The following PECAM1 variants were observed in gnomAD, a reference collection of about 807,000 sequenced individuals.
PECAM1 encodes platelet endothelial cell adhesion molecule.
Under a neutral mutation model 13.8 loss-of-function variants are expected in PECAM1, and 8 were observed. That is an observed-to-expected ratio of 0.58 (90% confidence interval 0.34 to 1.05). The LOEUF (loss-of-function observed/expected upper bound fraction) is 1.05. Among genes scored for constraint, PECAM1 ranks in the 50% least tolerant of loss-of-function variants. PECAM1 has a pLI of 0.03. For synonymous variants in PECAM1, 136 were observed against 52.6 expected (o/e 2.58, Z -6.86); for missense variants, 304 against 141.2 (o/e 2.15, Z -5.84).
At chr17:64,386,758 C>T (rs2036602675) in intron 2 of PECAM1, among the ~76,000 whole-genome samples, 1 of 151,888 alleles carries the variant, frequency 6.6e-6, no homozygotes, top group African/African-American at 2.4e-5. Flanking sequence ...AAAATGAGAC[C>T]CCAGTCTCTA....
At position 64,348,272 on chromosome 17, in the gene PECAM1, C is replaced by T. The variant is rs2035631255; in HGVS notation, c.2095G>A (p.Glu699Lys). 2 of 475,254 alleles carry T rather than the reference C, an allele frequency of 4.2e-6. No individual in the cohort carries two copies. The highest frequency in any genetic ancestry group is 2.0e-5 in the African/African-American group (1 of 50,522). The allele number at this position is 475,254 out of a possible 1,614,324, so 29.4% of individuals were successfully genotyped here. ...QYTEVQVSSA[E>K]SHKDLGKKDT... is the part of the protein sequence containing the mutation. ...GAGTGGCACTTACCTTTGTGAGACT[C>T]AGCTGAGGACACTTGAACTTCCGTG... Residue 699 changes from glutamate (E) to lysine (K), a missense_variant, in exon 13 of 16, where the codon GAG (glutamate) becomes AAG (lysine). By Grantham distance (56) the Glu-to-Lys change is moderately conservative. Transcript: ENST00000563924.
intron 14 of PECAM1, among the ~76,000 whole-genome samples, chr17:64,330,241 A>T (rs1314354746): frequency 6.6e-6 from 1 of 151,942 alleles, no homozygotes; most frequent in Non-Finnish European, 1.5e-5. Flanking sequence ...GTGGTCTCGA[A>T]CTCCTGGCCT....
intron 2 of PECAM1, among the ~76,000 whole-genome samples, chr17:64,388,217 G>T (rs955637972): frequency 4.3e-4 from 65 of 152,214 alleles, no homozygotes; most frequent in African/African-American, 1.5e-3. Context: ...CCACGGTTTT[G>T]GGAAACAGGA....
intron 15 of PECAM1, among the ~76,000 whole-genome samples, chr17:64,325,244 C>T (rs1022501908): frequency 5.3e-5 from 8 of 152,028 alleles, no homozygotes; most frequent in South Asian, 4.1e-4. Flanking sequence ...AAAAATTAGC[C>T]GGGCGTGGTG....
intron 15 of PECAM1, among the ~76,000 whole-genome samples, chr17:64,324,805 T>C (rs1371192853): frequency 3.3e-5 from 5 of 152,240 alleles, no homozygotes; most frequent in African/African-American, 7.2e-5. Flanking sequence ...ATTCCACTTA[T>C]GTGATGTACC....
chr17:64,380,737 A>C (rs1182580571), intron 2 of PECAM1, among the ~76,000 whole-genome samples: 2 of 152,088 alleles, frequency 1.3e-5, no homozygotes, highest in Admixed American at 6.6e-5. Flanking sequence ...AAGGCCAGGA[A>C]TGGCAGCTCA....
At chr17:64,341,303 CT>C (rs2143731431) in intron 14 of PECAM1, among the ~76,000 whole-genome samples, 1 of 151,926 alleles carries the variant, frequency 6.6e-6, no homozygotes, top group South Asian at 2.1e-4. Flanking sequence ...AGAAGAAAGG[CT>C]GAAGCTACTG....
intron 2 of PECAM1, among the ~76,000 whole-genome samples, chr17:64,380,842 C>G (rs985565767): frequency 2.0e-5 from 3 of 152,040 alleles, no homozygotes; most frequent in South Asian, 2.1e-4. Context: ...CAAAAATTAG[C>G]CAGGCATTGT....
At chr17:64,361,127 A>ATGTGTGTGTGTGTGTGTGTGTGTGTGTG (rs1384237450) in intron 6 of PECAM1, among the ~76,000 whole-genome samples, 10 of 46,952 alleles carry the variant, frequency 2.1e-4, no homozygotes, top group African/African-American at 5.0e-4. Flanking sequence ...GGCTGAGCAT[A>ATGTGTGTGTGTGTGTGTGTGTGTGTGTG]TATGTGTGTG....
chr17:64,339,854 A>G (rs2035380014), intron 14 of PECAM1, among the ~76,000 whole-genome samples: 1 of 152,222 alleles, frequency 6.6e-6, no homozygotes, highest in African/African-American at 2.4e-5. Flanking sequence ...TGGTTCTTCT[A>G]AAACAGTGCT....
chr17:64,350,231 T>C, intron 12 of PECAM1, 149 bp downstream of exon 12: 1 of 380,656 alleles, frequency 2.6e-6, no homozygotes, highest in Non-Finnish European at 4.8e-6. Context: ...AGCAGCTAGC[T>C]ACCTTCATTG....
At chr17:64,329,849 C>T (rs931490787) in intron 14 of PECAM1, 127 bp from the exon 15 acceptor site, 45 of 705,864 alleles carry the variant, frequency 6.4e-5, no homozygotes, top group African/African-American at 3.7e-4. Flanking sequence ...AGACATCAGC[C>T]GGCAGGTGCC....
Position 64,358,922 on chromosome 17 carries a change from G to A in PECAM1, c.1492+1218C>T, listed in dbSNP as rs1041196265. Reference sequence around the variant, plus strand: ...AATGATTCTTGTGCCTCAGCCTCCCGAGTAGCTGGCATTAAAGGTGCCCAC... The same window carrying A: ...AATGATTCTTGTGCCTCAGCCTCCCAAGTAGCTGGCATTAAAGGTGCCCAC... On this transcript the variant is annotated intron_variant, in intron 7 of 15. Transcript: ENST00000563924. Among the ~76,000 whole-genome samples the A allele has an allele frequency of 9.6e-4, 146 of 151,706 alleles. 1 individual carries two copies. The highest frequency in any genetic ancestry group is 3.3e-3 in the African/African-American group (136 of 41,338).
chr17:64,361,753 C>CAAA (rs61144320), intron 6 of PECAM1, among the ~76,000 whole-genome samples: 23,904 of 67,552 alleles, frequency 0.35, 4,865 homozygotes, highest in Non-Finnish European at 0.44. Context: ...AACTCCATCT[C>CAAA]AAAAAAAAAA....
intron 14 of PECAM1, among the ~76,000 whole-genome samples, chr17:64,337,330 G>A (rs1269729299): frequency 1.3e-5 from 2 of 152,146 alleles, no homozygotes; most frequent in Admixed American, 6.5e-5. Flanking sequence ...TCCTGGTCTC[G>A]GAGTCAGGGG....
At chr17:64,332,984 C>A (rs1555647084) in intron 14 of PECAM1, among the ~76,000 whole-genome samples, 1 of 152,024 alleles carries the variant, frequency 6.6e-6, no homozygotes, top group Non-Finnish European at 1.5e-5. Context: ...GAAACTCCGT[C>A]TCTACTAAAA....
chr17:64,354,097 G>A lies in PECAM1; in HGVS notation c.1889-579C>T, dbSNP rs910786874. Among the ~76,000 whole-genome samples, 123 of 151,958 alleles carry A rather than the reference G, an allele frequency of 8.1e-4. 1 individual carries two copies. In the East Asian group the frequency reaches 0.021, roughly 25 times the overall value. On this transcript the variant is annotated intron_variant, in intron 9 of 15. Transcript: ENST00000563924. ...TGCAATTACAGGCACCCATCACCAC[G>A]TCTGGCCAATTTTTTGTATTTTTAG...
At chr17:64,349,840 G>T (rs1343163218) in intron 12 of PECAM1, among the ~76,000 whole-genome samples, 1 of 151,956 alleles carries the variant, frequency 6.6e-6, no homozygotes, top group African/African-American at 2.4e-5. Flanking sequence ...AGCCGAGATC[G>T]CACCACTGCA....
Position 64,390,733 on chromosome 17 carries a change from C to G in PECAM1, c.-68G>C. On this transcript the variant is annotated 5_prime_UTR_variant, in exon 1 of 16. Coordinates refer to ENST00000563924, the MANE Select transcript of PECAM1 (RefSeq NM_000442.5). ...GCCATGACTCGCTCAGCAGAAGGCA[C>G]TGCCCACAAGTCACCGTTGAGAAAC... 1 of 414,804 alleles carries G rather than the reference C, an allele frequency of 2.4e-6. No individual in the cohort carries two copies. Among genetic ancestry groups the G allele is most frequent in the Non-Finnish European group, 4.4e-6 (1 of 229,692 alleles). 25.7% of individuals were successfully genotyped at this position (414,804 alleles called of 1,614,324 possible). A position where few individuals can be genotyped will look rare whatever the true frequency, so the allele number is the denominator to read the frequency against.
Sources: gnomAD v4.1 joint callset for allele counts (sites outside exome capture counted in the v4.1 genomes callset) on GRCh38, gnomAD v4.1.1 for gene constraint, MANE v1.5 for transcripts, NCBI Gene and HGNC (gene_info 2026-07-23, HGNC 2026-07-21) for gene names.